Variants in GRID2 observed in about 807,000 individuals in gnomAD.
GRID2 encodes the protein glutamate ionotropic receptor delta type subunit 2.
A neutral mutation model predicts 114.8 loss-of-function variants in GRID2; 33 were observed. The ratio of observed to expected loss-of-function variants is 0.29; its 90% CI spans 0.22 to 0.38. GRID2 has a LOEUF of 0.38. Ranked by LOEUF, GRID2 falls within the 10% of genes least tolerant of loss-of-function variation. The pLI, the probability that GRID2 is intolerant of heterozygous loss-of-function variation, is 1.00. For missense variants in GRID2, 1,184 were observed against 1,257.7 expected, an observed-to-expected ratio of 0.94 and a Z score of 0.89; for synonymous variants, 505 against 449.9, an observed-to-expected ratio of 1.12 and a Z score of -1.55.
At chr4:93,372,718 T>C (rs549743134) in intron 8 of GRID2, among the ~76,000 whole-genome samples, 1 of 152,258 alleles carries the variant, frequency 6.6e-6, no homozygotes, top group South Asian at 2.1e-4. Flanking sequence ...CCATCATGGA[T>C]ATGTGCTTTA....
chr4:93,431,673 T>C (rs1358319273), intron 10 of GRID2, among the ~76,000 whole-genome samples: 1 of 152,150 alleles, frequency 6.6e-6, no homozygotes, highest in East Asian at 1.9e-4. Flanking sequence ...TCAGAAATTT[T>C]AGATGGAGAG....
intron 9 of GRID2, among the ~76,000 whole-genome samples, chr4:93,420,112 T>C (rs1768119786): frequency 1.3e-5 from 2 of 152,102 alleles, no homozygotes; most frequent in South Asian, 2.1e-4. Flanking sequence ...GAAGAGCCAG[T>C]CAAATAATAT....
intron 1 of GRID2, among the ~76,000 whole-genome samples, chr4:93,786,346 G>GA (rs1268957706): frequency 6.6e-6 from 1 of 152,182 alleles, no homozygotes; most frequent in Admixed American, 6.5e-5. Context: ...CAACCTAGAA[G>GA]AAATGGGATC....
chr4:92,464,182 T>C (rs1220365911), intron 1 of GRID2, among the ~76,000 whole-genome samples: 1 of 152,058 alleles, frequency 6.6e-6, no homozygotes, highest in Non-Finnish European at 1.5e-5. Flanking sequence ...ATCAAGTGTG[T>C]CACAGCAAAA....
intron 2 of GRID2, among the ~76,000 whole-genome samples, chr4:92,637,837 T>C (rs1433234094): frequency 6.6e-6 from 1 of 152,002 alleles, no homozygotes; most frequent in Admixed American, 6.6e-5. Context: ...GTTACAATTA[T>C]TTGTCATGGA....
intron 2 of GRID2, among the ~76,000 whole-genome samples, chr4:92,658,818 TAC>T (rs1553913516): frequency 2.5e-4 from 15 of 60,506 alleles, no homozygotes; most frequent in Non-Finnish European, 3.1e-4. Context: ...TATATATATA[TAC>T]ACACACACAA....
chr4:92,558,306 C>A, intron 1 of GRID2, among the ~76,000 whole-genome samples: 1 of 152,102 alleles, frequency 6.6e-6, no homozygotes, highest in East Asian at 1.9e-4. Flanking sequence ...GATGAAAAGG[C>A]TATTTTTTGA....
chr4:93,130,797 A>G (rs767280848), intron 4 of GRID2, among the ~76,000 whole-genome samples: 1 of 152,176 alleles, frequency 6.6e-6, no homozygotes, highest in South Asian at 2.1e-4. Flanking sequence ...ATAAATGGTA[A>G]ATTTTTGAGG....
intron 4 of GRID2, among the ~76,000 whole-genome samples, chr4:93,202,779 T>G (rs557314992): frequency 2.0e-5 from 3 of 152,154 alleles, no homozygotes; most frequent in African/African-American, 7.2e-5. Flanking sequence ...ATTATTTTTT[T>G]GTAAGTGCTC....
chr4:92,314,995 A>G (rs990044968), intron 1 of GRID2, among the ~76,000 whole-genome samples: 1 of 152,158 alleles, frequency 6.6e-6, no homozygotes, highest in African/African-American at 2.4e-5. Flanking sequence ...GTGCTAAACA[A>G]TGGATGATAG....
At chr4:93,747,953 G>A (rs1289852703) in intron 14 of GRID2, among the ~76,000 whole-genome samples, 1 of 152,004 alleles carries the variant, frequency 6.6e-6, no homozygotes, top group African/African-American at 2.4e-5. Flanking sequence ...CAGAGGAAAT[G>A]TCTTCTACTC....
chr4:93,408,265 G>A (rs1004473830), intron 9 of GRID2, among the ~76,000 whole-genome samples: 11 of 152,068 alleles, frequency 7.2e-5, no homozygotes, highest in Admixed American at 2.0e-4. Context: ...TTCGATACAC[G>A]TCTCAGGAAT....
At chr4:93,740,701 T>A (rs1731289297) in intron 14 of GRID2, among the ~76,000 whole-genome samples, 1 of 152,172 alleles carries the variant, frequency 6.6e-6, no homozygotes, top group African/African-American at 2.4e-5. Context: ...AAATGATGCT[T>A]GAACTTACTT....
intron 1 of GRID2, among the ~76,000 whole-genome samples, chr4:92,534,413 T>A (rs926644371): frequency 3.3e-5 from 5 of 152,088 alleles, no homozygotes; most frequent in Non-Finnish European, 5.9e-5. Flanking sequence ...AATATAATTA[T>A]CTTCTGAAGA....
intron 2 of GRID2, among the ~76,000 whole-genome samples, chr4:93,029,385 A>G (rs1267228881): frequency 2.6e-5 from 4 of 152,102 alleles, no homozygotes; most frequent in Non-Finnish European, 5.9e-5. Flanking sequence ...ATTTGAAGAC[A>G]TATCGATCTA....
chr4:93,502,674 TATTTA>T (rs1470967411), intron 12 of GRID2, among the ~76,000 whole-genome samples: 1 of 150,372 alleles, frequency 6.7e-6, no homozygotes, highest in African/African-American at 2.5e-5. Flanking sequence ...CACCTAAAGA[TATTTA>T]ATTTATTTTA....
Position 93,350,697 on chromosome 4 carries a change from A to G in GRID2, c.1246-44910A>G, listed in dbSNP as rs184059794. Among the ~76,000 whole-genome samples the G allele has an allele frequency of 3.2e-4, 49 of 152,182 alleles. No individual in the cohort carries two copies. In the East Asian group the frequency reaches 8.7e-3, roughly 27 times the overall value. On this transcript the variant is annotated intron_variant, in intron 8 of 15. Transcript: ENST00000282020. ...TAATAACCCTAAGATATAGGGGCTA[A>G]TAAGTCTTTTTTGAAGACCAGGAAG...
intron 1 of GRID2, among the ~76,000 whole-genome samples, chr4:92,441,730 G>C (rs1423080088): frequency 6.6e-6 from 1 of 152,002 alleles, no homozygotes; most frequent in African/African-American, 2.4e-5. Flanking sequence ...GTGGGGTAAG[G>C]GTGATTAGGT....
chr4:92,942,470 T>C lies in GRID2; in HGVS notation c.245-142525T>C, dbSNP rs1393490448. Among the ~76,000 whole-genome samples the C allele has an allele frequency of 3.3e-5, 5 of 152,266 alleles. No homozygotes were observed. The South Asian group carries it at 8.3e-4, about 25-fold the overall frequency. On this transcript the variant is annotated intron_variant, in intron 2 of 15. Transcript: ENST00000282020. The stretch of plus-strand genomic sequence containing the variant: ...TTTTGAGCCTGTGTGTGTCTCTGCA[T>C]GTGAGGTGGGTTTCCTGAATACAGC...
Sources: gnomAD v4.1 joint callset for allele counts (sites outside exome capture counted in the v4.1 genomes callset) on GRCh38, gnomAD v4.1.1 for gene constraint, MANE v1.5 for transcripts, NCBI Gene and HGNC (gene_info 2026-07-23, HGNC 2026-07-21) for gene names.